IPPK: variants seen among roughly 807,000 people sequenced by gnomAD.
IPPK encodes the protein IPK1 homolog.
IPPK carries 22 observed loss-of-function variants against 64.6 expected under a neutral mutation model. That is an observed-to-expected ratio of 0.34 (90% CI 0.24 to 0.49). The LOEUF is 0.49. Among genes scored for constraint, IPPK ranks in the 20% least tolerant of loss-of-function variants. The probability of loss-of-function intolerance (pLI) is 0.99; values close to 1 mark genes in which losing one functional copy is unlikely to be tolerated. For missense variants in IPPK, 532 were observed against 630.7 expected (o/e 0.84, Z 1.68); for synonymous variants, 262 against 247.2 (o/e 1.06, Z -0.56).
chr9:92,657,688 C>T (rs1852400677), intron 2 of IPPK, among the ~76,000 whole-genome samples: 1 of 152,154 alleles, frequency 6.6e-6, no homozygotes, highest in Non-Finnish European at 1.5e-5. Context: ...AGGCAGAAAC[C>T]GCAAGACAGT....
intron 3 of IPPK, among the ~76,000 whole-genome samples, chr9:92,654,080 C>T (rs1031531297): frequency 7.2e-5 from 11 of 152,218 alleles, no homozygotes; most frequent in African/African-American, 2.7e-4. Context: ...GGTCCACATA[C>T]AGGGCAACGA....
chr9:92,635,295 T>A lies in IPPK; in HGVS notation c.930A>T (p.Pro310=), dbSNP rs1851919440. ...RSLRCQGKNT[P]ERSGLPKGCL... ...AGCCCTTCGGTAACCCCGAGCGCTC[T>A]GGGGTGTTTTTTCCTACCGAGAACA... The change falls in exon 10 of 13, where the codon CCA becomes CCT. Residue 310 remains proline (P), a synonymous_variant. Coordinates refer to ENST00000287996, the MANE Select transcript of IPPK (RefSeq NM_022755.6). This position sits in a 1 kb window ranked among gnomAD's most constrained non-coding sequence, Gnocchi z 4.4. The A allele has an allele frequency of 2.5e-6, 4 of 1,609,518 alleles. No homozygotes were observed. In the East Asian group the frequency reaches 8.9e-5, roughly 36 times the overall value.
chr9:92,660,174 G>A (rs1852453360), intron 1 of IPPK, among the ~76,000 whole-genome samples: 2 of 152,226 alleles, frequency 1.3e-5, no homozygotes, highest in African/African-American at 4.8e-5. Context: ...ACATGATGGT[G>A]TGTGCTATTC....
chr9:92,664,415 G>A (rs1368293982), intron 1 of IPPK, among the ~76,000 whole-genome samples: 1 of 152,242 alleles, frequency 6.6e-6, no homozygotes, highest in East Asian at 1.9e-4. Context: ...GGGTCAGGGC[G>A]CAGTAAGTGC....
At position 92,615,921 on chromosome 9, in the gene IPPK, A is replaced by C. The variant is rs771538276; in HGVS notation, c.1387T>G (p.Ser463Ala). Residue 463 changes from serine to alanine, a missense_variant, in exon 13 of 13, where the codon TCA (serine) becomes GCA (alanine). By Grantham distance (99) the Ser-to-Ala change is moderately conservative (BLOSUM62 1). Coordinates refer to ENST00000287996, the MANE Select transcript of IPPK (RefSeq NM_022755.6). Reference sequence around the variant, plus strand: ...TTGTCTTTGGCACGTACAGTCTTTGAATAATAGTTGACGATCTTGCCGTCC... The same window carrying C: ...TTGTCTTTGGCACGTACAGTCTTTGCATAATAGTTGACGATCTTGCCGTCC... ...KLDGKIVNYY[S>A]KTVRAKDNAV... 3 of 1,614,026 alleles carry C rather than the reference A, an allele frequency of 1.9e-6. No individual in the cohort carries two copies. The South Asian group carries it at 3.3e-5, about 18-fold the overall frequency.
At chr9:92,660,485 A>G (rs187878479) in intron 1 of IPPK, among the ~76,000 whole-genome samples, 1 of 152,346 alleles carries the variant, frequency 6.6e-6, no homozygotes, top group East Asian at 1.9e-4. Flanking sequence ...TCTACAGGAA[A>G]GCAAGGCCTG....
intron 5 of IPPK, among the ~76,000 whole-genome samples, chr9:92,648,879 C>A (rs1459558737): frequency 6.6e-6 from 1 of 152,244 alleles, no homozygotes; most frequent in Non-Finnish European, 1.5e-5. Context: ...CCAGCCCCCA[C>A]TGCCTGGCAC....
chr9:92,646,951 G>C (rs1852162199), intron 6 of IPPK, among the ~76,000 whole-genome samples: 1 of 152,116 alleles, frequency 6.6e-6, no homozygotes, highest in Non-Finnish European at 1.5e-5. Flanking sequence ...CAAGCACAGG[G>C]AAGGAAACAG....
In IPPK at chr9:92,669,274, T is replaced by A. The variant is rs146366157; in HGVS notation, c.81+634A>T. 3.3e-5 allele frequency among the ~76,000 whole-genome samples: 5 copies of A among 152,256 alleles called. No individual in the cohort carries two copies. The East Asian group carries it at 7.7e-4, about 24-fold the overall frequency. ...CACAGAAACCCACACGCTTCACTCT[T>A]GGGATTCACCTTTGCGAGATCTTAC... On this transcript the variant is annotated intron_variant, in intron 1 of 12. Transcript: ENST00000287996.
At chr9:92,647,986 G>C (rs1318314686) in intron 6 of IPPK, 73 bp downstream of exon 6, 6 of 899,564 alleles carry the variant, frequency 6.7e-6, no homozygotes, top group Non-Finnish European at 8.7e-6. Context: ...TCTGAAAACT[G>C]TGTGTGTCCA....
Position 92,615,959 on chromosome 9 carries a change from T to C in IPPK, c.1349A>G (p.His450Arg). 1 of 1,614,114 alleles carries C rather than the reference T, an allele frequency of 6.2e-7. No homozygotes were observed. The highest frequency in any genetic ancestry group is 2.2e-5 in the East Asian group (1 of 44,882). The change falls in exon 13 of 13, where the codon CAT becomes CGT. Residue 450 changes from histidine to arginine, a missense_variant. Physicochemically the swap from His to Arg is conservative, Grantham distance 29 (BLOSUM62 0). Transcript: ENST00000287996. Reference sequence around the variant, plus strand: ...GATCTTGCCGTCCAGTTTATACTGATGGGGAATGCTCTCGTAGGGCTTGAG... The same window carrying C: ...GATCTTGCCGTCCAGTTTATACTGACGGGGAATGCTCTCGTAGGGCTTGAG... ...LDLKPYESIP[H>R]QYKLDGKIVN... is the part of the protein sequence containing the mutation.
intron 6 of IPPK, among the ~76,000 whole-genome samples, chr9:92,645,245 C>A (rs1852127945): frequency 6.6e-6 from 1 of 151,954 alleles, no homozygotes; most frequent in Non-Finnish European, 1.5e-5. Context: ...CAAAAACTAG[C>A]TGGGCATGGT....
At chr9:92,621,142 G>T (rs1028018517) in intron 11 of IPPK, among the ~76,000 whole-genome samples, 3 of 135,856 alleles carry the variant, frequency 2.2e-5, no homozygotes, top group African/African-American at 8.2e-5. Context: ...CTACCCTCAT[G>T]ACCTAATCAC....
intron 11 of IPPK, among the ~76,000 whole-genome samples, chr9:92,628,739 T>C (rs562159322): frequency 6.6e-6 from 1 of 152,160 alleles, no homozygotes; most frequent in African/African-American, 2.4e-5. Flanking sequence ...TAGCCGGGCA[T>C]GGTGGCACAT....
chr9:92,662,403 G>A (rs1005003055), intron 1 of IPPK, among the ~76,000 whole-genome samples: 1 of 152,050 alleles, frequency 6.6e-6, no homozygotes, highest in Admixed American at 6.6e-5. Flanking sequence ...GCACATGACT[G>A]TAATCCTAGC....
intron 11 of IPPK, among the ~76,000 whole-genome samples, chr9:92,624,772 A>G (rs561389183): frequency 2.0e-5 from 3 of 152,236 alleles, no homozygotes; most frequent in East Asian, 3.8e-4. Flanking sequence ...CCTGTCAAGG[A>G]TGCTGAGAAA....
intron 9 of IPPK, among the ~76,000 whole-genome samples, chr9:92,636,658 A>T (rs923437881): frequency 8.9e-5 from 6 of 67,128 alleles, no homozygotes; most frequent in African/African-American, 2.5e-4. Flanking sequence ...AATTAATTTA[A>T]AAAAAAAACA....
At chr9:92,642,873 G>C in intron 6 of IPPK, 63 bp from the exon 7 acceptor site, 14 of 1,194,702 alleles carry the variant, frequency 1.2e-5, no homozygotes, top group Non-Finnish European at 1.6e-5. Context: ...TGTGCCAACT[G>C]AACACACAGA....
At chr9:92,645,188 C>T (rs915521731) in intron 6 of IPPK, among the ~76,000 whole-genome samples, 57 of 151,924 alleles carry the variant, frequency 3.8e-4, no homozygotes, top group African/African-American at 1.1e-3. Flanking sequence ...CTGAGGCGTT[C>T]GAGACCAGCC....
Sources: allele counts gnomAD v4.1 joint callset (sites outside exome capture counted in the v4.1 genomes callset), GRCh38; gene constraint gnomAD v4.1.1; non-coding constraint Gnocchi (gnomAD v3.1); transcripts MANE v1.5; gene names NCBI Gene and HGNC (gene_info 2026-07-23, HGNC 2026-07-21).